The following DMRT1 variants were observed in gnomAD, a reference collection of about 807,000 sequenced individuals.
DMRT1 encodes the protein doublesex- and mab-3-related transcription factor 1.
Under a neutral mutation model 32.3 loss-of-function variants are expected in DMRT1, and 7 were observed. That is an observed-to-expected ratio of 0.22 (90% CI 0.12 to 0.41). The LOEUF (loss-of-function observed/expected upper bound fraction) is 0.41. Among genes scored for constraint, DMRT1 ranks in the 10% least tolerant of loss-of-function variants. The pLI, the probability that DMRT1 is intolerant of heterozygous loss-of-function variation, is 1.00. For synonymous variants in DMRT1, 278 were observed against 206.1 expected, an observed-to-expected ratio of 1.35 and a Z score of -2.99; for missense variants, 625 against 500.5, an observed-to-expected ratio of 1.25 and a Z score of -2.37.
intron 4 of DMRT1, among the ~76,000 whole-genome samples, chr9:957,200 C>G (rs1298979448): frequency 6.6e-6 from 1 of 152,178 alleles, no homozygotes; most frequent in East Asian, 1.9e-4. Flanking sequence ...GAAACATGAG[C>G]ATGAGCTCAC....
intron 3 of DMRT1, among the ~76,000 whole-genome samples, chr9:900,151 T>C (rs149279933): frequency 1.6e-5 from 1 of 62,914 alleles, no homozygotes; most frequent in African/African-American, 3.9e-5. Context: ...AGTTGGGGAT[T>C]GCCTAAACCT....
At chr9:944,251 C>G (rs1819170209) in intron 4 of DMRT1, among the ~76,000 whole-genome samples, 1 of 152,176 alleles carries the variant, frequency 6.6e-6, no homozygotes, top group Admixed American at 6.5e-5. Flanking sequence ...ATTCCATGAT[C>G]TCCTTAATTA....
intron 1 of DMRT1, among the ~76,000 whole-genome samples, chr9:845,719 G>A (rs773116860): frequency 3.3e-5 from 5 of 151,900 alleles, no homozygotes; most frequent in Non-Finnish European, 5.9e-5. Context: ...TGCTTCTCCC[G>A]CATGCTCCCT....
intron 4 of DMRT1, among the ~76,000 whole-genome samples, chr9:922,105 C>G (rs977282719): frequency 6.6e-6 from 1 of 152,016 alleles, no homozygotes; most frequent in African/African-American, 2.4e-5. Context: ...TCTTGAACTC[C>G]TGGGCTCAAG....
intron 3 of DMRT1, among the ~76,000 whole-genome samples, chr9:905,473 C>CGTGTGTGTGTGTGTGT (rs745430195): frequency 9.1e-5 from 13 of 143,492 alleles, no homozygotes; most frequent in African/African-American, 2.8e-4. Context: ...CTCCCTTGCC[C>CGTGTGTGTGTGTGTGT]CTGTGTGTGT....
intron 4 of DMRT1, among the ~76,000 whole-genome samples, chr9:946,367 G>C (rs1819245688): frequency 6.6e-6 from 1 of 152,144 alleles, no homozygotes; most frequent in African/African-American, 2.4e-5. Context: ...GAGTCTAGTG[G>C]TGGTTTTTAT....
At chr9:848,094 G>A (rs1838981764) in intron 2 of DMRT1, among the ~76,000 whole-genome samples, 1 of 152,214 alleles carries the variant, frequency 6.6e-6, no homozygotes, top group Admixed American at 6.5e-5. Context: ...ATCTTTAAAT[G>A]TCTTTAAAGT....
intron 4 of DMRT1, among the ~76,000 whole-genome samples, chr9:924,820 T>A (rs1157607614): frequency 6.6e-6 from 1 of 152,220 alleles, no homozygotes; most frequent in African/African-American, 2.4e-5. Context: ...GGTCCCTTTA[T>A]GCCTAAAGAA....
intron 4 of DMRT1, among the ~76,000 whole-genome samples, chr9:918,676 C>G (rs956849943): frequency 2.6e-5 from 4 of 151,990 alleles, no homozygotes; most frequent in African/African-American, 9.7e-5. Context: ...ACCCTGCTAA[C>G]CCACTAACAG....
chr9:880,419 G>A (rs1816684652), intron 2 of DMRT1, among the ~76,000 whole-genome samples: 2 of 152,004 alleles, frequency 1.3e-5, no homozygotes, highest in African/African-American at 4.8e-5. Context: ...AGGAATATGC[G>A]AGCATTAGTA....
chr9:881,081 T>G (rs533061774), intron 2 of DMRT1, among the ~76,000 whole-genome samples: 2 of 151,972 alleles, frequency 1.3e-5, no homozygotes, highest in East Asian at 3.9e-4. Flanking sequence ...TGGTCTGGGG[T>G]GTGGCCTGAT....
At chr9:896,197 C>T (rs1817354120) in intron 3 of DMRT1, among the ~76,000 whole-genome samples, 1 of 151,682 alleles carries the variant, frequency 6.6e-6, no homozygotes, top group Non-Finnish European at 1.5e-5. Context: ...CTTTGATTGA[C>T]CAGTAGATAT....
intron 2 of DMRT1, among the ~76,000 whole-genome samples, chr9:872,614 T>C (rs1816322028): frequency 6.6e-6 from 1 of 152,230 alleles, no homozygotes; most frequent in Admixed American, 6.5e-5. Context: ...CCACTTAGCA[T>C]GTTTTTGAGG....
rs1055441172 is a variant in DMRT1 at position 930,686 on chromosome 9, A to G, written c.967+13779A>G. Among the ~76,000 whole-genome samples the G allele has an allele frequency of 1.1e-3, 172 of 152,154 alleles. 1 individual carries two copies. The highest frequency in any genetic ancestry group is 3.5e-3 in the East Asian group (18 of 5,146). On this transcript the variant is annotated intron_variant, in intron 4 of 4. Transcript: ENST00000382276. ...GCTTCCCAAAGTGCTGGGATTACAG[A>G]CATGAGCCACCGCACCCGGCCAATT...
Position 968,354 on chromosome 9 carries a change from G to A in DMRT1, c.*215G>A. On this transcript the variant is annotated 3_prime_UTR_variant, in exon 5 of 5. Transcript: ENST00000382276. The stretch of plus-strand genomic sequence containing the variant: ...GCATGGTTTAAGTGCTTTACTCACG[G>A]AGTTTAAATAATAGTGTTCATTTTT... 1 of 557,246 alleles carries A rather than the reference G, an allele frequency of 1.8e-6. No individual in the cohort carries two copies. Among genetic ancestry groups the A allele is most frequent in the East Asian group, 3.2e-5 (1 of 31,454 alleles). The allele number at this position is 557,246 out of a possible 1,614,324, so 34.5% of individuals were successfully genotyped here.
At chr9:893,025 G>A (rs548989415) in intron 2 of DMRT1, among the ~76,000 whole-genome samples, 12 of 152,102 alleles carry the variant, frequency 7.9e-5, no homozygotes, top group African/African-American at 2.9e-4. Flanking sequence ...AGCCATCTCT[G>A]TTTCCTCTGA....
At chr9:855,031 T>A (rs1306726601) in intron 2 of DMRT1, among the ~76,000 whole-genome samples, 1 of 151,616 alleles carries the variant, frequency 6.6e-6, no homozygotes, top group Non-Finnish European at 1.5e-5. Context: ...CCTCCCAAAG[T>A]GCTGCGATTA....
rs1819893735 is a variant in DMRT1, at chr9:965,168, G to A, written c.968-2817G>A. 6.6e-6 allele frequency among the ~76,000 whole-genome samples: 1 copy of A among 152,164 alleles called. No individual in the cohort carries two copies. Among genetic ancestry groups the A allele is most frequent in the Non-Finnish European group, 1.5e-5 (1 of 68,044 alleles). On this transcript the variant is annotated intron_variant, in intron 4 of 4. Transcript: ENST00000382276. This position sits in a 1 kb window ranked among gnomAD's most constrained non-coding sequence, Gnocchi z 4.5. ...GTGATTTTGGACATTAGTCACTAAG[G>A]AAAAACACACTAAATCTTTTCACGT...
chr9:919,931 G>C (rs913839117), intron 4 of DMRT1, among the ~76,000 whole-genome samples: 1 of 152,146 alleles, frequency 6.6e-6, no homozygotes, highest in African/African-American at 2.4e-5. Context: ...TTTTTGACCT[G>C]ACCAATTGGT....
Sources: gnomAD v4.1 joint callset for allele counts (sites outside exome capture counted in the v4.1 genomes callset) on GRCh38, gnomAD v4.1.1 for gene constraint, Gnocchi (gnomAD v3.1) non-coding constraint, MANE v1.5 for transcripts, NCBI Gene and HGNC (gene_info 2026-07-23, HGNC 2026-07-21) for gene names.